The following ADAMTS16 variants were observed in gnomAD, a reference collection of about 807,000 sequenced individuals.
ADAMTS16 encodes the protein A disintegrin and metalloproteinase with thrombospondin motifs 16.
In ADAMTS16, 94 loss-of-function variants were observed where a neutral mutation model predicts 145.8. That is an observed-to-expected ratio of 0.64 (90% CI 0.55 to 0.77). ADAMTS16 has a LOEUF of 0.77. Ranked by LOEUF, ADAMTS16 falls within the 30% of genes least tolerant of loss-of-function variation. The pLI is 0.00. For synonymous variants in ADAMTS16, 659 were observed against 604.3 expected (o/e 1.09, Z -1.33); for missense variants, 1,585 against 1,591.5 (o/e 1.00, Z 0.07).
Position 5,318,222 on chromosome 5 carries a change from A to T in ADAMTS16, c.3500A>T (p.Gln1167Leu), listed in dbSNP as rs114190883. Reference protein sequence around the residue: ...GRPASGCLLHQKPSASLACNT... With the variant: ...GRPASGCLLHLKPSASLACNT... ...CCGGCCTCAGGCTGCCTCCTGCACCAGAAGCCTTCGGCCTCCCTGGCCTGC... is the reference window on the plus strand; with the variant it reads ...CCGGCCTCAGGCTGCCTCCTGCACCTGAAGCCTTCGGCCTCCCTGGCCTGC... Residue 1167 changes from glutamine to leucine, a missense_variant, in exon 22 of 23, where the codon CAG (glutamine) becomes CTG (leucine). Gln to Leu is a moderately radical substitution (Grantham distance 113). Coordinates refer to ENST00000274181, the MANE Select transcript of ADAMTS16 (RefSeq NM_139056.4). 1.0e-5 allele frequency: 16 copies of T among 1,571,562 alleles called. No homozygotes were observed. In the African/African-American group the frequency reaches 2.2e-4, roughly 21 times the overall value.
chr5:5,186,249 A>G lies in ADAMTS16; in HGVS notation c.961A>G (p.Met321Val). Residue 321 changes from methionine (M) to valine (V), a missense_variant and splice_region_variant, in exon 5 of 23, where the codon ATG becomes GTG. Transcript: ENST00000274181. ...ITTYVLTILNMVSALFKDGTI... is the reference protein window; with the variant it reads ...ITTYVLTILNVVSALFKDGTI... Reference sequence around the variant, plus strand: ...CACCTACGTGCTCACGATACTCAACATGGTAGGATCATCCTTCCAGTTGAG... The same window carrying G: ...CACCTACGTGCTCACGATACTCAACGTGGTAGGATCATCCTTCCAGTTGAG... 3.1e-6 allele frequency: 5 copies of G among 1,612,870 alleles called. No individual in the cohort carries two copies. The highest frequency in any genetic ancestry group is 4.2e-6 in the Non-Finnish European group (5 of 1,179,862).
rs774201782 is a variant in ADAMTS16 at position 5,318,131 on chromosome 5, C to T, written c.3412-3C>T. 14 of 1,432,994 alleles carry T rather than the reference C, an allele frequency of 9.8e-6. No homozygotes were observed. The highest frequency in any genetic ancestry group is 2.5e-4 in the Middle Eastern group (1 of 3,960). The allele number at this position is 1,432,994 out of a possible 1,614,324, so 88.8% of individuals were successfully genotyped here. ...TGGTGACATGTGTGTGTTGCTCTCA[C>T]AGTGCACGGCCAGCTGTGGGGGAGG... is the stretch of plus-strand genomic sequence containing the variant. On this transcript the variant is annotated splice_region_variant and splice_polypyrimidine_tract_variant and intron_variant, in intron 21 of 22. Coordinates refer to ENST00000274181, the MANE Select transcript of ADAMTS16 (RefSeq NM_139056.4).
chr5:5,263,505 G>T (rs2126434432), intron 18 of ADAMTS16, among the ~76,000 whole-genome samples: 1 of 152,346 alleles, frequency 6.6e-6, no homozygotes, highest in African/African-American at 2.4e-5. Flanking sequence ...CTCCCAGCAG[G>T]GGTGCCTCTC....
chr5:5,225,731 G>T lies in ADAMTS16; in HGVS notation c.1701+2847G>T, dbSNP rs116548022. 5.9e-3 allele frequency among the ~76,000 whole-genome samples: 894 copies of T among 152,298 alleles called. 4 individuals carry two copies. The highest frequency in any genetic ancestry group is 0.012 in the Admixed American group (187 of 15,304). On this transcript the variant is annotated intron_variant, in intron 11 of 22. Coordinates refer to ENST00000274181, the MANE Select transcript of ADAMTS16 (RefSeq NM_139056.4). ...CTCACTGAATCCACATTTTACATGT[G>T]AGTGGAGGATTGAAGATTCGTGAGT...
intron 18 of ADAMTS16, among the ~76,000 whole-genome samples, chr5:5,276,289 T>C (rs888369912): frequency 6.6e-6 from 1 of 152,246 alleles, no homozygotes; most frequent in Admixed American, 6.5e-5. Context: ...TACCGTTTCA[T>C]GTCTCTGCTC....
intron 17 of ADAMTS16, among the ~76,000 whole-genome samples, chr5:5,254,215 C>CT (rs1737714728): frequency 6.6e-6 from 1 of 152,116 alleles, no homozygotes; most frequent in Non-Finnish European, 1.5e-5. Flanking sequence ...CTAGTCCTTT[C>CT]TTTTCCCCAC....
In ADAMTS16 at chr5:5,318,125, C is replaced by T. The variant is rs779650700; in HGVS notation, c.3412-9C>T. 4.2e-6 allele frequency: 6 copies of T among 1,426,160 alleles called. No individual in the cohort carries two copies. The African/African-American group carries it at 7.3e-5, about 17-fold the overall frequency. The allele number at this position is 1,426,160 out of a possible 1,614,324, so 88.3% of individuals were successfully genotyped here. On this transcript the variant is annotated splice_polypyrimidine_tract_variant and intron_variant, in intron 21 of 22. Transcript: ENST00000274181. ...GGGCCATGGTGACATGTGTGTGTTG[C>T]TCTCACAGTGCACGGCCAGCTGTGG...
At chr5:5,301,973 C>T (rs1240427056) in intron 18 of ADAMTS16, among the ~76,000 whole-genome samples, 1 of 152,116 alleles carries the variant, frequency 6.6e-6, no homozygotes. Context: ...TGTGACTGGC[C>T]CACAGGGAGT....
chr5:5,253,007 C>T (rs1424540094), intron 17 of ADAMTS16, among the ~76,000 whole-genome samples: 1 of 152,214 alleles, frequency 6.6e-6, no homozygotes, highest in Non-Finnish European at 1.5e-5. Context: ...CCTCTCCTTC[C>T]CAACCATTCC....
chr5:5,193,805 G>C (rs1338633322), intron 8 of ADAMTS16, among the ~76,000 whole-genome samples: 1 of 152,168 alleles, frequency 6.6e-6, no homozygotes, highest in African/African-American at 2.4e-5. Context: ...ATCTAGATGT[G>C]AATAAAGAAA....
At chr5:5,237,171 G>A in intron 14 of ADAMTS16, 72 bp downstream of exon 14, 1 of 1,520,526 alleles carries the variant, frequency 6.6e-7, no homozygotes, top group South Asian at 1.2e-5. Context: ...TCCTGTAGAG[G>A]CTAGAAAGAC....
intron 3 of ADAMTS16, among the ~76,000 whole-genome samples, chr5:5,173,537 G>T (rs959081077): frequency 2.6e-5 from 4 of 151,610 alleles, no homozygotes; most frequent in African/African-American, 7.3e-5. Context: ...GCAGTGGCGT[G>T]ATCTCGGCTC....
intron 12 of ADAMTS16, 26 bp from the exon 13 acceptor site, chr5:5,234,988 T>G (rs769267520): frequency 1.3e-6 from 2 of 1,511,826 alleles, no homozygotes; most frequent in Non-Finnish European, 1.8e-6. Flanking sequence ...AATATAAAAA[T>G]TCTAACTTCA....
Position 5,319,170 on chromosome 5 carries a change from C to A in ADAMTS16, c.*32C>A. On this transcript the variant is annotated 3_prime_UTR_variant, in exon 23 of 23. Coordinates refer to ENST00000274181, the MANE Select transcript of ADAMTS16 (RefSeq NM_139056.4). ...ACCGCTCTCCGTAGCAGAGAAAGTG[C>A]CTGCGTGGCACAGAAATTTCCCACA... 1 of 1,500,178 alleles carries A rather than the reference C, an allele frequency of 6.7e-7. No homozygotes were observed. Among genetic ancestry groups the A allele is most frequent in the Non-Finnish European group, 9.2e-7 (1 of 1,088,842 alleles). The allele number at this position is 1,500,178 out of a possible 1,614,324, so 92.9% of individuals were successfully genotyped here. A position where few individuals can be genotyped will look rare whatever the true frequency, so the allele number is the denominator to read the frequency against.
chr5:5,191,815 G>A, intron 8 of ADAMTS16, 25 bp downstream of exon 8: 1 of 1,557,076 alleles, frequency 6.4e-7, no homozygotes, highest in Non-Finnish European at 8.8e-7. Context: ...ATGGGAGGAT[G>A]GCATCCCGAG....
At chr5:5,184,156 T>C (rs912972730) in intron 4 of ADAMTS16, among the ~76,000 whole-genome samples, 3 of 152,138 alleles carry the variant, frequency 2.0e-5, no homozygotes, top group South Asian at 4.1e-4. Flanking sequence ...CTCAGGGCCC[T>C]GTGTCACCTG....
At chr5:5,286,620 A>T (rs1277945797) in intron 18 of ADAMTS16, among the ~76,000 whole-genome samples, 2 of 152,130 alleles carry the variant, frequency 1.3e-5, no homozygotes, top group East Asian at 3.9e-4. Flanking sequence ...GCACTTTGGG[A>T]GGCTGAGGTG....
At chr5:5,256,159 A>G (rs181965573) in intron 17 of ADAMTS16, among the ~76,000 whole-genome samples, 1 of 152,234 alleles carries the variant, frequency 6.6e-6, no homozygotes, top group East Asian at 1.9e-4. Flanking sequence ...CAGCATTCTC[A>G]ACTGAAGATT....
chr5:5,229,304 C>CAAAAAAA (rs1195176050), intron 11 of ADAMTS16, among the ~76,000 whole-genome samples: 5 of 75,494 alleles, frequency 6.6e-5, no homozygotes, highest in African/African-American at 1.1e-4. Flanking sequence ...GACTCCGTCT[C>CAAAAAAA]AAAAAAAAAA....
Sources: allele counts gnomAD v4.1 joint callset (sites outside exome capture counted in the v4.1 genomes callset), GRCh38; gene constraint gnomAD v4.1.1; transcripts MANE v1.5; gene names NCBI Gene and HGNC (gene_info 2026-07-23, HGNC 2026-07-21).